SRPX: variants seen among roughly 807,000 people sequenced by gnomAD.
The protein encoded by SRPX is sushi repeat containing protein X-linked.
In SRPX, 24 loss-of-function variants were observed where a neutral mutation model predicts 38.1. That is an observed-to-expected ratio of 0.63 (90% CI 0.46 to 0.89). The LOEUF (loss-of-function observed/expected upper bound fraction) is 0.89. Among genes scored for constraint, SRPX ranks in the 40% least tolerant of loss-of-function variants. The probability of loss-of-function intolerance (pLI) is 0.00; values close to 1 mark genes in which losing one functional copy is unlikely to be tolerated. For missense variants in SRPX, 416 were observed against 377.8 expected (o/e 1.10, Z -0.84); for synonymous variants, 184 against 153.8 (o/e 1.20, Z -1.45).
chrX:38,167,717 G>A (rs1401829767), intron 4 of SRPX, among the ~76,000 whole-genome samples: 2 of 111,642 alleles, frequency 1.8e-5, no homozygotes, highest in Non-Finnish European at 3.8e-5. Context: ...TATAAAATAT[G>A]AGATACAAAT....
chrX:38,179,007 T>C (rs1176769693), intron 1 of SRPX, among the ~76,000 whole-genome samples: 4 of 102,939 alleles, frequency 3.9e-5, no homozygotes. Context: ...AGTGCAATGG[T>C]GTGATTTTGG....
intron 1 of SRPX, among the ~76,000 whole-genome samples, chrX:38,199,392 C>T (rs372590294): frequency 1.8e-5 from 2 of 109,201 alleles, no homozygotes; most frequent in African/African-American, 6.7e-5. Context: ...GGCGACAGAG[C>T]GAGACTCCAT....
At chrX:38,196,285 A>C (rs1298104545) in intron 1 of SRPX, among the ~76,000 whole-genome samples, 1 of 112,542 alleles carries the variant, frequency 8.9e-6, no homozygotes, top group Non-Finnish European at 1.9e-5. Context: ...CTGATTTATG[A>C]ATTGTATTCA....
intron 4 of SRPX, 101 bp from the exon 5 acceptor site, chrX:38,164,996 T>A: frequency 1.3e-6 from 1 of 770,503 alleles, no homozygotes; most frequent in Admixed American, 3.0e-5. Context: ...CTGGGTATTC[T>A]CCATTTTCAA....
intron 7 of SRPX, among the ~76,000 whole-genome samples, chrX:38,159,535 C>T (rs902236914): frequency 3.5e-5 from 4 of 113,020 alleles, no homozygotes; most frequent in African/African-American, 1.3e-4. Flanking sequence ...CACAGATGAC[C>T]TCATTTAATC....
chrX:38,180,247 T>C (rs1007612677), intron 1 of SRPX, among the ~76,000 whole-genome samples: 48 of 111,953 alleles, frequency 4.3e-4, no homozygotes, highest in African/African-American at 1.4e-3. Context: ...TTAGTATGAA[T>C]GACTACCCAT....
At chrX:38,172,773 G>A (rs941980563) in intron 3 of SRPX, among the ~76,000 whole-genome samples, 9 of 112,972 alleles carry the variant, frequency 8.0e-5, no homozygotes, top group Non-Finnish European at 1.7e-4. Context: ...AGCTCATTCT[G>A]TCCTGCCCCC....
At chrX:38,196,023 A>C (rs1211685252) in intron 1 of SRPX, among the ~76,000 whole-genome samples, 4 of 112,317 alleles carry the variant, frequency 3.6e-5, no homozygotes, top group African/African-American at 1.3e-4. Context: ...TGGATAGACA[A>C]TTTTCAAATC....
At chrX:38,176,324 A>G (rs1422793193) in intron 2 of SRPX, among the ~76,000 whole-genome samples, 3 of 111,659 alleles carry the variant, frequency 2.7e-5, no homozygotes, top group African/African-American at 9.8e-5. Flanking sequence ...AAGCAAAAGA[A>G]TCAAAAGCCA....
At chrX:38,206,184 A>G (rs902896636) in intron 1 of SRPX, among the ~76,000 whole-genome samples, 2 of 112,220 alleles carry the variant, frequency 1.8e-5, no homozygotes, top group African/African-American at 6.5e-5. Context: ...AAAGAGCTAA[A>G]CTATGCAGAC....
chrX:38,213,697 G>C (rs1235252265), intron 1 of SRPX, among the ~76,000 whole-genome samples: 1 of 111,809 alleles, frequency 8.9e-6, no homozygotes, highest in Non-Finnish European at 1.9e-5. Context: ...ACTGGATCAC[G>C]GTTCTGCAGG....
chrX:38,214,582 C>G (rs1456332521), intron 1 of SRPX, among the ~76,000 whole-genome samples: 1 of 112,197 alleles, frequency 8.9e-6, no homozygotes, highest in Non-Finnish European at 1.9e-5. Flanking sequence ...AATGACCCTA[C>G]TCCTTGGAAA....
intron 5 of SRPX, among the ~76,000 whole-genome samples, chrX:38,164,151 T>A (rs202214793): frequency 1.5e-4 from 16 of 110,165 alleles, no homozygotes; most frequent in East Asian, 5.6e-4. Context: ...TTTTTTTTTT[T>A]AATTTTTTTG....
chrX:38,203,517 G>A (rs1445523064), intron 1 of SRPX, among the ~76,000 whole-genome samples: 1 of 113,064 alleles, frequency 8.8e-6, no homozygotes, highest in African/African-American at 3.2e-5. Context: ...GGTAGCTCAC[G>A]CCTGTAATCC....
intron 1 of SRPX, among the ~76,000 whole-genome samples, chrX:38,185,139 T>G (rs1000540257): frequency 8.9e-6 from 1 of 112,073 alleles, no homozygotes; most frequent in Non-Finnish European, 1.9e-5. Flanking sequence ...TAATTTACCT[T>G]GTATACCCAG....
intron 2 of SRPX, among the ~76,000 whole-genome samples, chrX:38,176,540 C>T (rs1400401911): frequency 8.9e-6 from 1 of 111,911 alleles, no homozygotes; most frequent in Non-Finnish European, 1.9e-5. Context: ...CGCCTGTAAT[C>T]CCAGCACTTT....
intron 1 of SRPX, among the ~76,000 whole-genome samples, chrX:38,199,892 ATTCAAAAGAGAAGTC>A (rs1488946214): frequency 1.8e-5 from 2 of 112,361 alleles, no homozygotes; most frequent in African/African-American, 6.5e-5. Flanking sequence ...AACACTGTTT[ATTCAAAAGAGAAGTC>A]TTCAAAAGAG....
intron 1 of SRPX, 78 bp downstream of exon 1, chrX:38,220,618 C>G (rs1939498776): frequency 8.7e-7 from 1 of 1,145,866 alleles, no homozygotes; most frequent in Non-Finnish European, 1.1e-6. Flanking sequence ...CTCCCTCTAT[C>G]CCGAGCGAAG....
chrX:38,220,722 CGCAGCAGCAGCAGCAGCAGCAGAGGCG>C lies in SRPX; in HGVS notation c.44_70del (p.Pro15_Leu23del), dbSNP rs1352593272. ...TGGGAAGCTGCGGCTGGGCGGGACGCGCAGCAGCAGCAGCAGCAGCAGAGGCGGCAGCAGCAGCAGCAGCGCGGGCCG... is the reference window on the plus strand; with the variant it reads ...TGGGAAGCTGCGGCTGGGCGGGACGCGCAGCAGCAGCAGCAGCGCGGGCCG... On this transcript the variant is annotated inframe_deletion, in exon 1 of 10. Coordinates refer to ENST00000378533, the MANE Select transcript of SRPX (RefSeq NM_006307.5). 3.5e-6 allele frequency: 4 copies of C among 1,152,901 alleles called. No individual in the cohort carries two copies. The highest frequency in any genetic ancestry group is 3.2e-5 in the East Asian group (1 of 31,255).
Sources: gnomAD v4.1 joint callset for allele counts (sites outside exome capture counted in the v4.1 genomes callset) on GRCh38, gnomAD v4.1.1 for gene constraint, MANE v1.5 for transcripts, NCBI Gene and HGNC (gene_info 2026-07-23, HGNC 2026-07-21) for gene names.